The following CTNNA2 variants were observed in gnomAD, a reference collection of about 807,000 sequenced individuals.
The protein encoded by CTNNA2 is catenin alpha-2.
Under a neutral mutation model 101.0 loss-of-function variants are expected in CTNNA2, and 42 were observed. The observed-to-expected ratio is 0.42, with a 90% CI of 0.32 to 0.54. CTNNA2 has a LOEUF of 0.54. Ranked by LOEUF, CTNNA2 falls within the 20% of genes least tolerant of loss-of-function variation. The pLI is 0.14. For synonymous variants in CTNNA2, 450 were observed against 456.4 expected (o/e 0.99, Z 0.18); for missense variants, 871 against 1,223.1 (o/e 0.71, Z 4.29).
chr2:80,616,064 T>C (rs1047113123), intron 17 of CTNNA2, among the ~76,000 whole-genome samples: 38 of 151,724 alleles, frequency 2.5e-4, no homozygotes. Context: ...AACACCTTCA[T>C]CTGTGCAGAT....
chr2:79,400,261 G>A (rs1202440485), intron 4 of CTNNA2, among the ~76,000 whole-genome samples: 2 of 151,974 alleles, frequency 1.3e-5, no homozygotes, highest in African/African-American at 4.8e-5. Flanking sequence ...TTGTCTACAA[G>A]GAAATTCCTT....
intron 3 of CTNNA2, among the ~76,000 whole-genome samples, chr2:79,853,405 A>G (rs6710283): frequency 0.31 from 46,699 of 151,948 alleles, 7,362 homozygotes; most frequent in African/African-American, 0.34. Flanking sequence ...GATCATCAAC[A>G]ATTCTGAGGT....
At chr2:80,044,137 G>C (rs1696362098) in intron 7 of CTNNA2, among the ~76,000 whole-genome samples, 1 of 152,078 alleles carries the variant, frequency 6.6e-6, no homozygotes, top group African/African-American at 2.4e-5. Context: ...TTTATTATTG[G>C]TAATTTATAA....
At chr2:79,964,381 G>A (rs948161995) in intron 7 of CTNNA2, among the ~76,000 whole-genome samples, 1 of 151,932 alleles carries the variant, frequency 6.6e-6, no homozygotes, top group Non-Finnish European at 1.5e-5. Flanking sequence ...ATTTATGAAT[G>A]GGAGAGCCAA....
chr2:79,454,309 A>G (rs992739666), intron 4 of CTNNA2, among the ~76,000 whole-genome samples: 3 of 152,176 alleles, frequency 2.0e-5, no homozygotes, highest in African/African-American at 7.2e-5. Context: ...TTCACAATAT[A>G]TGTAATTATT....
chr2:79,204,989 C>T (rs1010140554), intron 2 of CTNNA2, among the ~76,000 whole-genome samples: 2 of 152,222 alleles, frequency 1.3e-5, no homozygotes, highest in African/African-American at 4.8e-5. Flanking sequence ...AACATTCACA[C>T]TAGAGCAATA....
chr2:80,613,808 A>G (rs1698644172), intron 17 of CTNNA2, among the ~76,000 whole-genome samples: 1 of 151,524 alleles, frequency 6.6e-6, no homozygotes, highest in Non-Finnish European at 1.5e-5. Context: ...AACTGGAGAC[A>G]TGGATTGACC....
intron 7 of CTNNA2, among the ~76,000 whole-genome samples, chr2:79,914,182 A>G (rs909219735): frequency 5.3e-4 from 80 of 151,390 alleles, no homozygotes; most frequent in East Asian, 3.1e-3. Context: ...AAAAAAAAAA[A>G]AAAAAAAGAA....
At chr2:80,620,591 C>A (rs1671025311) in intron 18 of CTNNA2, among the ~76,000 whole-genome samples, 1 of 151,910 alleles carries the variant, frequency 6.6e-6, no homozygotes, top group African/African-American at 2.4e-5. Flanking sequence ...TGATGACAGT[C>A]CCCTGCAGGC....
chr2:79,913,938 C>A (rs532431183), intron 7 of CTNNA2, among the ~76,000 whole-genome samples: 21 of 129,938 alleles, frequency 1.6e-4, no homozygotes, highest in Non-Finnish European at 2.7e-4. Context: ...GAGGCCGAGG[C>A]GGGCGGATCA....
intron 7 of CTNNA2, among the ~76,000 whole-genome samples, chr2:80,020,713 G>T (rs1694496504): frequency 6.6e-6 from 1 of 152,044 alleles, no homozygotes; most frequent in African/African-American, 2.4e-5. Flanking sequence ...CTCGTCTTTT[G>T]GTTTCTTTGT....
At chr2:79,577,500 A>ATTACAAAT (rs1675871074) in intron 1 of CTNNA2, among the ~76,000 whole-genome samples, 2 of 152,140 alleles carry the variant, frequency 1.3e-5, no homozygotes, top group Admixed American at 6.5e-5. Flanking sequence ...GAAGGAGGCT[A>ATTACAAAT]TTACAAATTA....
intron 4 of CTNNA2, among the ~76,000 whole-genome samples, chr2:79,428,626 C>T (rs926086451): frequency 2.0e-5 from 3 of 152,008 alleles, no homozygotes; most frequent in African/African-American, 2.4e-5. Context: ...AAGAAACAGG[C>T]AAGCTTTGGG....
chr2:80,160,343 C>A (rs1350616046), intron 7 of CTNNA2, among the ~76,000 whole-genome samples: 1 of 152,060 alleles, frequency 6.6e-6, no homozygotes, highest in African/African-American at 2.4e-5. Context: ...AAAAGTTTTT[C>A]TTGGATTTTG....
At chr2:79,845,569 G>C (rs547170312) in intron 3 of CTNNA2, among the ~76,000 whole-genome samples, 1 of 152,160 alleles carries the variant, frequency 6.6e-6, no homozygotes, top group South Asian at 2.1e-4. Flanking sequence ...TCCCTTTCAA[G>C]GTTGATGTTT....
chr2:80,362,470 T>C (rs943312360), intron 7 of CTNNA2, among the ~76,000 whole-genome samples: 2 of 152,170 alleles, frequency 1.3e-5, no homozygotes, highest in African/African-American at 4.8e-5. Context: ...TTTTTTCTCA[T>C]CTGTGAAAGG....
At chr2:79,600,668 T>G (rs1677494544) in intron 1 of CTNNA2, among the ~76,000 whole-genome samples, 1 of 152,212 alleles carries the variant, frequency 6.6e-6, no homozygotes, top group Admixed American at 6.5e-5. Context: ...AATATATATG[T>G]ATGTGTCTTA....
chr2:80,247,513 G>T (rs934832180), intron 7 of CTNNA2, among the ~76,000 whole-genome samples: 4 of 152,162 alleles, frequency 2.6e-5, no homozygotes, highest in African/African-American at 9.7e-5. Flanking sequence ...CTTAAAGGAT[G>T]TCAGTGAGCC....
intron 7 of CTNNA2, among the ~76,000 whole-genome samples, chr2:80,279,841 G>T (rs2149157935): frequency 6.6e-6 from 1 of 152,190 alleles, no homozygotes; most frequent in Non-Finnish European, 1.5e-5. Context: ...GTCTCACCCT[G>T]AGGTGGGAAT....
Sources: gnomAD v4.1 joint callset for allele counts (sites outside exome capture counted in the v4.1 genomes callset) on GRCh38, gnomAD v4.1.1 for gene constraint, MANE v1.5 for transcripts, NCBI Gene and HGNC (gene_info 2026-07-23, HGNC 2026-07-21) for gene names.